STAU2: variants seen among roughly 807,000 people sequenced by gnomAD.
STAU2 encodes the protein double-stranded RNA-binding protein Staufen homolog 2.
A neutral mutation model predicts 65.9 loss-of-function variants in STAU2; 20 were observed. The ratio of observed to expected loss-of-function variants is 0.30; its 90% CI spans 0.21 to 0.44. The LOEUF is 0.44. Among genes scored for constraint, STAU2 ranks in the 20% least tolerant of loss-of-function variants. The pLI, the probability that STAU2 is intolerant of heterozygous loss-of-function variation, is 1.00. For synonymous variants in STAU2, 232 were observed against 233.9 expected, an observed-to-expected ratio of 0.99 and a Z score of 0.07; for missense variants, 558 against 683.9, an observed-to-expected ratio of 0.82 and a Z score of 2.05.
intron 13 of STAU2, among the ~76,000 whole-genome samples, chr8:73,425,853 T>C (rs1006969165): frequency 6.6e-6 from 1 of 152,028 alleles, no homozygotes; most frequent in African/African-American, 2.4e-5. Flanking sequence ...AGTGCAGTGG[T>C]GTGATCTTGA....
intron 13 of STAU2, among the ~76,000 whole-genome samples, chr8:73,542,711 A>T (rs966487277): frequency 1.3e-5 from 2 of 152,190 alleles, no homozygotes; most frequent in Non-Finnish European, 1.5e-5. Context: ...AGCACATGAA[A>T]TGAAGCTCAT....
At chr8:73,565,360 A>G (rs1395292168) in intron 12 of STAU2, among the ~76,000 whole-genome samples, 1 of 152,158 alleles carries the variant, frequency 6.6e-6, no homozygotes, top group Non-Finnish European at 1.5e-5. Flanking sequence ...GCCATCTGCC[A>G]TGACTGTAAG....
At chr8:73,538,316 A>C (rs998284847) in intron 13 of STAU2, among the ~76,000 whole-genome samples, 2 of 152,180 alleles carry the variant, frequency 1.3e-5, no homozygotes, top group African/African-American at 4.8e-5. Context: ...CTGAAAGTTT[A>C]AAATCCCTTT....
chr8:73,534,829 G>T (rs1806076324), intron 13 of STAU2, among the ~76,000 whole-genome samples: 1 of 152,126 alleles, frequency 6.6e-6, no homozygotes, highest in Non-Finnish European at 1.5e-5. Context: ...TTTAGTTGAT[G>T]CATAATGTTT....
At chr8:73,617,867 T>C (rs1488490358) in intron 6 of STAU2, among the ~76,000 whole-genome samples, 1 of 150,328 alleles carries the variant, frequency 6.7e-6, no homozygotes, top group Non-Finnish European at 1.5e-5. Context: ...ATTAGAAATA[T>C]AGATTAGAAA....
chr8:73,631,720 T>C lies in STAU2; in HGVS notation c.411-14269A>G, dbSNP rs116852163. Among the ~76,000 whole-genome samples the C allele has an allele frequency of 7.4e-4, 113 of 152,016 alleles. 4 individuals are homozygous for C. The East Asian group carries it at 0.02, about 27-fold the overall frequency. ...AGAACATGAGAATGTCAACAAATCA[T>C]AAGGAAATAAATAAAGCAAGTTGGT... On this transcript the variant is annotated intron_variant, in intron 6 of 14. Transcript: ENST00000524300.
At chr8:73,653,631 A>C in intron 6 of STAU2, 1 of 165,442 alleles carries the variant, frequency 6.0e-6, no homozygotes, top group Non-Finnish European at 1.3e-5. Flanking sequence ...TACTTGGGGA[A>C]GTTTTAAAAA....
chr8:73,445,849 G>A (rs920263536), intron 13 of STAU2, among the ~76,000 whole-genome samples: 14 of 152,212 alleles, frequency 9.2e-5, no homozygotes, highest in African/African-American at 3.4e-4. Context: ...AAGATTCGGG[G>A]GAACTAGATC....
chr8:73,455,835 G>C (rs1347498055), intron 13 of STAU2, among the ~76,000 whole-genome samples: 2 of 152,092 alleles, frequency 1.3e-5, no homozygotes, highest in East Asian at 1.9e-4. Context: ...GTGGTCAAGG[G>C]GGGTGATGTA....
At chr8:73,443,842 T>C (rs139138431) in intron 13 of STAU2, among the ~76,000 whole-genome samples, 17 of 128,894 alleles carry the variant, frequency 1.3e-4, no homozygotes, top group African/African-American at 4.7e-4. Context: ...AGTGACACCC[T>C]GTCTCTTAAA....
At position 73,584,638 on chromosome 8, in the gene STAU2, A is replaced by G. The variant is rs140233002; in HGVS notation, c.1162-1808T>C. ...CTACCTTTGTACTGCCATTATCAGG[A>G]GAGAAAAAAGAAGCTAAAGAAAGGA... On this transcript the variant is annotated intron_variant, in intron 11 of 14. Coordinates refer to ENST00000524300, the MANE Select transcript of STAU2 (RefSeq NM_001164380.2). Among the ~76,000 whole-genome samples the G allele has an allele frequency of 8.4e-3, 1,281 of 152,324 alleles. 11 individuals carry two copies. Among genetic ancestry groups the G allele is most frequent in the Middle Eastern group, 0.048 (14 of 294 alleles).
intron 4 of STAU2, among the ~76,000 whole-genome samples, chr8:73,703,230 C>G (rs1178466994): frequency 6.6e-6 from 1 of 152,068 alleles, no homozygotes; most frequent in African/African-American, 2.4e-5. Context: ...ACTGTCCTCA[C>G]AATAGTGAGT....
chr8:73,737,728 T>C (rs933434143), intron 3 of STAU2, among the ~76,000 whole-genome samples: 2 of 152,076 alleles, frequency 1.3e-5, no homozygotes, highest in African/African-American at 4.8e-5. Flanking sequence ...ACTATAGTTA[T>C]GATACAATGT....
At chr8:73,519,045 T>C (rs1822896558) in intron 13 of STAU2, among the ~76,000 whole-genome samples, 1 of 152,160 alleles carries the variant, frequency 6.6e-6, no homozygotes, top group African/African-American at 2.4e-5. Context: ...TAAACAAAAA[T>C]CAAGTTATAT....
intron 13 of STAU2, among the ~76,000 whole-genome samples, chr8:73,444,854 G>A (rs1818384909): frequency 4.6e-5 from 7 of 152,288 alleles, no homozygotes; most frequent in Admixed American, 4.6e-4. Flanking sequence ...TCCCTGTGAA[G>A]ACACTTCCAG....
At chr8:73,721,287 C>CA (rs35721754) in intron 3 of STAU2, among the ~76,000 whole-genome samples, 594 of 12,450 alleles carry the variant, frequency 0.048, 102 homozygotes, top group Admixed American at 0.079. Flanking sequence ...ACCCCACCTC[C>CA]AAAAAAAAAA....
chr8:73,488,955 G>A (rs138567142), intron 13 of STAU2, among the ~76,000 whole-genome samples: 112 of 151,884 alleles, frequency 7.4e-4, no homozygotes, highest in Non-Finnish European at 1.5e-3. Flanking sequence ...TAACCTAACT[G>A]TCTCTTTCCC....
At chr8:73,467,972 A>T (rs1447905154) in intron 13 of STAU2, among the ~76,000 whole-genome samples, 2 of 152,340 alleles carry the variant, frequency 1.3e-5, no homozygotes, top group East Asian at 1.9e-4. Flanking sequence ...TTCATATGCA[A>T]CCAAAAAAGA....
At chr8:73,672,480 T>C (rs1314910270) in intron 6 of STAU2, 1 of 152,118 alleles carries the variant, frequency 6.6e-6, no homozygotes, top group Non-Finnish European at 1.5e-5. Context: ...CATATATACA[T>C]ACATAAAATA....
Sources: allele counts gnomAD v4.1 joint callset (sites outside exome capture counted in the v4.1 genomes callset), GRCh38; gene constraint gnomAD v4.1.1; transcripts MANE v1.5; gene names NCBI Gene and HGNC (gene_info 2026-07-23, HGNC 2026-07-21).